Variants in MECOM observed in about 807,000 individuals in gnomAD.
MECOM encodes MDS1 and EVI1 complex locus.
Under a neutral mutation model 116.3 loss-of-function variants are expected in MECOM, and 13 were observed. The ratio of observed to expected loss-of-function variants is 0.11; its 90% confidence interval spans 0.07 to 0.18. The LOEUF (loss-of-function observed/expected upper bound fraction) is 0.18. MECOM is among the 10% of genes least tolerant of loss of function. The pLI is 1.00. For synonymous variants in MECOM, 528 were observed against 535.2 expected, an observed-to-expected ratio of 0.99 and a Z score of 0.19; for missense variants, 1,299 against 1,509.0, an observed-to-expected ratio of 0.86 and a Z score of 2.31.
At chr3:169,324,885 C>A (rs1032370636) in intron 2 of MECOM, among the ~76,000 whole-genome samples, 5 of 152,210 alleles carry the variant, frequency 3.3e-5, no homozygotes, top group African/African-American at 7.2e-5. Flanking sequence ...TACCACCCCC[C>A]TCCCTTCTCT....
intron 2 of MECOM, chr3:169,145,128 A>G: frequency 7.5e-6 from 7 of 929,308 alleles, no homozygotes; most frequent in Non-Finnish European, 1.1e-5. Context: ...CGAACATAAG[A>G]TAGGGATATT....
At chr3:169,342,750 G>C (rs1030633197) in intron 2 of MECOM, among the ~76,000 whole-genome samples, 3 of 152,054 alleles carry the variant, frequency 2.0e-5, no homozygotes, top group Non-Finnish European at 4.4e-5. Flanking sequence ...TCCCAATATG[G>C]TTTGCACTAC....
At chr3:169,431,579 A>C (rs1487172304) in intron 1 of MECOM, among the ~76,000 whole-genome samples, 4 of 152,204 alleles carry the variant, frequency 2.6e-5, no homozygotes, top group African/African-American at 7.2e-5. Flanking sequence ...CCTACTTTGT[A>C]ATTCCCTGAT....
At chr3:169,319,559 T>TTA (rs1553803891) in intron 2 of MECOM, among the ~76,000 whole-genome samples, 1 of 150,360 alleles carries the variant, frequency 6.7e-6, no homozygotes, top group Non-Finnish European at 1.5e-5. Context: ...TAAAGTATAA[T>TTA]AAAAAAAAAA....
intron 2 of MECOM, among the ~76,000 whole-genome samples, chr3:169,211,864 T>C (rs1248790813): frequency 6.6e-6 from 1 of 152,150 alleles, no homozygotes; most frequent in Non-Finnish European, 1.5e-5. Flanking sequence ...TTAATAGCTA[T>C]CTCAAATTTA....
intron 16 of MECOM, among the ~76,000 whole-genome samples, chr3:169,086,261 T>C (rs1717699941): frequency 6.6e-6 from 1 of 152,212 alleles, no homozygotes; most frequent in Admixed American, 6.5e-5. Flanking sequence ...TATGCCAGGC[T>C]CTGTGATAGA....
intron 1 of MECOM, among the ~76,000 whole-genome samples, chr3:169,524,458 GC>G: frequency 6.6e-6 from 1 of 152,152 alleles, no homozygotes; most frequent in East Asian, 1.9e-4. Flanking sequence ...AATACCTGGT[GC>G]AAGCATGGAC....
intron 2 of MECOM, among the ~76,000 whole-genome samples, chr3:169,377,783 A>C (rs898816949): frequency 1.1e-4 from 17 of 152,290 alleles, no homozygotes; most frequent in Non-Finnish European, 1.0e-4. Context: ...AAGTATCTAG[A>C]ACCAGAAATA....
In MECOM at chr3:169,261,755, A is replaced by AAGG. The variant is rs772325467; in HGVS notation, c.376-117924_376-117923insCCT. Among the ~76,000 whole-genome samples the AAGG allele has an allele frequency of 3.8e-3, 577 of 151,246 alleles. 21 individuals carry two copies. The East Asian group carries it at 0.09, about 23-fold the overall frequency. ...AGAAGGAGAAGGAGAAAAGAAGAAG[A>AAGG]AGAAGAGGAAGAAGAAGACGACAAA... On this transcript the variant is annotated intron_variant, in intron 2 of 16. Transcript: ENST00000651503.
chr3:169,363,993 T>C (rs1728753290), intron 2 of MECOM, among the ~76,000 whole-genome samples: 1 of 152,008 alleles, frequency 6.6e-6, no homozygotes, highest in South Asian at 2.1e-4. Flanking sequence ...AGAGGCTCTT[T>C]CCTGCTTGCT....
chr3:169,341,352 G>A (rs1042739831), intron 2 of MECOM, among the ~76,000 whole-genome samples: 1 of 147,834 alleles, frequency 6.8e-6, no homozygotes, highest in East Asian at 2.0e-4. Flanking sequence ...CAAAACAATT[G>A]AACTCATGGA....
intron 1 of MECOM, among the ~76,000 whole-genome samples, chr3:169,403,034 T>C (rs771613572): frequency 3.9e-5 from 6 of 152,224 alleles, no homozygotes; most frequent in Non-Finnish European, 5.9e-5. Flanking sequence ...AGTGGCTTAA[T>C]GTCAAGAAAA....
chr3:169,410,723 T>C (rs137913168), intron 1 of MECOM, among the ~76,000 whole-genome samples: 25 of 152,254 alleles, frequency 1.6e-4, no homozygotes, highest in African/African-American at 6.0e-4. Context: ...GTCGTGCCCA[T>C]TGACGCCTAT....
At chr3:169,659,078 A>C (rs200187819) in intron 1 of MECOM, among the ~76,000 whole-genome samples, 1 of 140,144 alleles carries the variant, frequency 7.1e-6, no homozygotes, top group Non-Finnish European at 1.5e-5. Context: ...ACTCCAAAAA[A>C]AAAAAAAAAA....
At chr3:169,627,475 A>C (rs1771526899) in intron 1 of MECOM, among the ~76,000 whole-genome samples, 1 of 152,254 alleles carries the variant, frequency 6.6e-6, no homozygotes, top group Non-Finnish European at 1.5e-5. Flanking sequence ...AAAATACTTA[A>C]GTGGATTCTT....
chr3:169,459,244 T>C (rs1476077552), intron 1 of MECOM, among the ~76,000 whole-genome samples: 1 of 152,242 alleles, frequency 6.6e-6, no homozygotes, highest in African/African-American at 2.4e-5. Context: ...CCTGGTGTTT[T>C]GTGCAGTGAG....
intron 1 of MECOM, among the ~76,000 whole-genome samples, chr3:169,460,588 TTATTC>T (rs1260763227): frequency 6.6e-6 from 1 of 152,224 alleles, no homozygotes; most frequent in Non-Finnish European, 1.5e-5. Context: ...AATGTTCTAA[TTATTC>T]TAGGAAAAAA....
In MECOM at chr3:169,480,529, G is replaced by A. The variant is rs141660838; in HGVS notation, c.38-99005C>T. 2.5e-4 allele frequency among the ~76,000 whole-genome samples: 38 copies of A among 151,590 alleles called. 1 individual carries two copies. Among genetic ancestry groups the A allele is most frequent in the African/African-American group, 7.0e-4 (29 of 41,264 alleles). ...TCTCATCTCTTTAGTCACTTTGCCC[G>A]TACCATTTATAATACCTCTTTACGT... On this transcript the variant is annotated intron_variant, in intron 1 of 16. Coordinates refer to ENST00000651503, the MANE Select transcript of MECOM (RefSeq NM_004991.4).
chr3:169,482,540 T>C (rs1214308934), intron 1 of MECOM, among the ~76,000 whole-genome samples: 1 of 151,962 alleles, frequency 6.6e-6, no homozygotes, highest in African/African-American at 2.4e-5. Flanking sequence ...GTCACCGTGT[T>C]AGCCAGAATG....
Sources: gnomAD v4.1 joint callset for allele counts (sites outside exome capture counted in the v4.1 genomes callset) on GRCh38, gnomAD v4.1.1 for gene constraint, MANE v1.5 for transcripts, NCBI Gene and HGNC (gene_info 2026-07-23, HGNC 2026-07-21) for gene names.